Variants in CTNNA2 observed in about 807,000 individuals in gnomAD.
CTNNA2 encodes the protein catenin alpha 2, also known as catenin alpha-2.
In CTNNA2, 42 loss-of-function variants were observed where a neutral mutation model predicts 101.0. The observed-to-expected ratio is 0.42, with a 90% confidence interval of 0.32 to 0.54. CTNNA2 has a LOEUF of 0.54. Among genes scored for constraint, CTNNA2 ranks in the 20% least tolerant of loss-of-function variants. The probability of loss-of-function intolerance (pLI) is 0.14; values close to 1 mark genes in which losing one functional copy is unlikely to be tolerated. For synonymous variants in CTNNA2, 450 were observed against 456.4 expected (o/e 0.99, Z 0.18); for missense variants, 871 against 1,223.1 (o/e 0.71, Z 4.29).
At chr2:79,562,865 A>C (rs570990336) in intron 1 of CTNNA2, among the ~76,000 whole-genome samples, 1 of 151,976 alleles carries the variant, frequency 6.6e-6, no homozygotes, top group South Asian at 2.1e-4. Flanking sequence ...TGTTGTTGCT[A>C]AACTTGGGTG....
chr2:80,247,773 A>G (rs75154367), intron 7 of CTNNA2, among the ~76,000 whole-genome samples: 2,128 of 152,210 alleles, frequency 0.014, 52 homozygotes, highest in African/African-American at 0.048. Flanking sequence ...ACCCATAAGC[A>G]TCTGTAACTT....
At chr2:79,508,742 A>G (rs1671465806), upstream of CTNNA2, among the ~76,000 whole-genome samples, 1 of 151,874 alleles carries the variant, frequency 6.6e-6, no homozygotes, top group South Asian at 2.1e-4. Flanking sequence ...ATGAAGATAG[A>G]TAAAAATTGC....
At chr2:79,851,737 C>CTTTTTTTTTTTTTT (rs11399192) in intron 3 of CTNNA2, among the ~76,000 whole-genome samples, 2 of 87,124 alleles carry the variant, frequency 2.3e-5, no homozygotes, top group African/African-American at 9.4e-5. Flanking sequence ...TTTTCTTTTC[C>CTTTTTTTTTTTTTT]TTTTTTTTTT....
intron 11 of CTNNA2, among the ~76,000 whole-genome samples, chr2:80,550,886 G>A (rs369812968): frequency 1.3e-5 from 2 of 152,172 alleles, no homozygotes; most frequent in Non-Finnish European, 2.9e-5. Context: ...AATCATGGAT[G>A]TTCTTAGTGG....
intron 7 of CTNNA2, among the ~76,000 whole-genome samples, chr2:79,996,189 CT>C (rs1692531411): frequency 6.6e-6 from 1 of 152,156 alleles, no homozygotes; most frequent in African/African-American, 2.4e-5. Context: ...GAAGCATATG[CT>C]ATATTGCTAG....
rs1688706775 is a variant in CTNNA2 at position 79,949,132 on chromosome 2, A to G, written c.1056+39335A>G. Among the ~76,000 whole-genome samples, 6 of 152,192 alleles carry G rather than the reference A, an allele frequency of 3.9e-5. No homozygotes were observed. The South Asian group carries it at 1.2e-3, about 32-fold the overall frequency. ...TATATAAACTTTCAAATGCTGATGC[A>G]TTTGAAAGAAACAGTATACACAATT... On this transcript the variant is annotated intron_variant, in intron 7 of 18. Transcript: ENST00000402739.
chr2:79,365,595 G>T (rs762166556), intron 3 of CTNNA2, among the ~76,000 whole-genome samples: 4 of 146,570 alleles, frequency 2.7e-5, no homozygotes, highest in Non-Finnish European at 5.9e-5. Flanking sequence ...CTGCATCTCA[G>T]CCTGAGTCAC....
chr2:80,449,081 A>C (rs1455158677), intron 9 of CTNNA2, among the ~76,000 whole-genome samples: 1 of 152,130 alleles, frequency 6.6e-6, no homozygotes, highest in African/African-American at 2.4e-5. Flanking sequence ...AGCTACCCAC[A>C]ATCAGTAGCA....
chr2:79,359,715 C>T (rs1425040898), intron 3 of CTNNA2, among the ~76,000 whole-genome samples: 1 of 152,048 alleles, frequency 6.6e-6, no homozygotes, highest in Non-Finnish European at 1.5e-5. Context: ...TAGCCAAAGA[C>T]CAAATAAATG....
rs754689563 is a variant in CTNNA2, at chr2:80,545,037, G to A, written c.1346G>A (p.Arg449Gln). 1.9e-6 allele frequency: 3 copies of A among 1,613,866 alleles called. No homozygotes were observed. The highest frequency in any genetic ancestry group is 1.3e-5 in the African/African-American group (1 of 74,900). Reference sequence around the variant, plus strand: ...AATGAAGAAGGGGTGAAATTAGTTCGGATGGCAGCCACCCAGATTGACAGC... The same window carrying A: ...AATGAAGAAGGGGTGAAATTAGTTCAGATGGCAGCCACCCAGATTGACAGC... The part of the protein sequence containing the change: ...SNNEEGVKLV[R>Q]MAATQIDSLC... The change falls in exon 10 of 19, where the codon CGG (arginine) becomes CAG (glutamine). Residue 449 changes from arginine to glutamine, a missense_variant. Arg to Gln is a conservative substitution (Grantham distance 43). Transcript: ENST00000402739.
intron 7 of CTNNA2, among the ~76,000 whole-genome samples, chr2:80,357,132 A>G (rs1673889336): frequency 6.6e-6 from 1 of 152,152 alleles, no homozygotes; most frequent in South Asian, 2.1e-4. Context: ...GATAGAAAAC[A>G]GTAGTTTTCT....
At chr2:80,156,131 A>G (rs755030778) in intron 7 of CTNNA2, among the ~76,000 whole-genome samples, 13 of 152,084 alleles carry the variant, frequency 8.5e-5, no homozygotes, top group South Asian at 6.2e-4. Flanking sequence ...TGTAAACCCA[A>G]CCCCAACATA....
chr2:79,487,289 G>A (rs1382785666), intron 4 of CTNNA2, among the ~76,000 whole-genome samples: 2 of 152,200 alleles, frequency 1.3e-5, no homozygotes, highest in African/African-American at 4.8e-5. Context: ...AAACATAAGT[G>A]GGTATGGGAG....
Position 79,448,972 on chromosome 2 carries a change from G to T in CTNNA2, c.-134-56082G>T, listed in dbSNP as rs142735695. Reference sequence around the variant, plus strand: ...CTAAGGGAAGGGAATCAGAAAATGCGCATTTGACTCACTGTCAGTAGGTTT... The same window carrying T: ...CTAAGGGAAGGGAATCAGAAAATGCTCATTTGACTCACTGTCAGTAGGTTT... On this transcript the variant is annotated intron_variant, in intron 4 of 21. Coordinates refer to the CTNNA2 transcript ENST00000466387. Among the ~76,000 whole-genome samples the T allele has an allele frequency of 1.3e-3, 198 of 152,062 alleles. 4 individuals carry two copies. In the East Asian group the frequency reaches 0.031, roughly 24 times the overall value.
chr2:79,696,991 G>A (rs1262969342), intron 2 of CTNNA2, among the ~76,000 whole-genome samples: 1 of 151,838 alleles, frequency 6.6e-6, no homozygotes, highest in Non-Finnish European at 1.5e-5. Flanking sequence ...TTATAAAGTT[G>A]GAGGGTCAGA....
intron 18 of CTNNA2, among the ~76,000 whole-genome samples, chr2:80,619,760 T>C (rs1047400207): frequency 4.0e-5 from 6 of 151,894 alleles, no homozygotes; most frequent in Non-Finnish European, 5.9e-5. Flanking sequence ...AAATGTTCAT[T>C]TTTTGAAAAA....
At chr2:80,165,474 A>C (rs1704620463) in intron 7 of CTNNA2, among the ~76,000 whole-genome samples, 1 of 152,138 alleles carries the variant, frequency 6.6e-6, no homozygotes, top group Non-Finnish European at 1.5e-5. Context: ...TTTCTTTGAT[A>C]AGGCCTTCTA....
chr2:79,959,428 A>T (rs773438227), intron 7 of CTNNA2, among the ~76,000 whole-genome samples: 7 of 152,222 alleles, frequency 4.6e-5, no homozygotes, highest in Admixed American at 6.5e-5. Context: ...CTGATAATCC[A>T]CACAAAGAAG....
At chr2:79,685,032 A>G (rs1467434581) in intron 2 of CTNNA2, among the ~76,000 whole-genome samples, 1 of 152,052 alleles carries the variant, frequency 6.6e-6, no homozygotes, top group African/African-American at 2.4e-5. Flanking sequence ...TCAACCTTAG[A>G]GTGTTTATAT....
Sources: allele counts gnomAD v4.1 joint callset (sites outside exome capture counted in the v4.1 genomes callset), GRCh38; gene constraint gnomAD v4.1.1; transcripts MANE v1.5; gene names NCBI Gene and HGNC (gene_info 2026-07-23, HGNC 2026-07-21).